Variants in POLQ observed in about 807,000 individuals in gnomAD.
The protein encoded by POLQ is epididymis secretory sperm binding protein.
In POLQ, 233 loss-of-function variants were observed where a neutral mutation model predicts 259.2. That is an observed-to-expected ratio of 0.90 (90% CI 0.81 to 1.00). The LOEUF (loss-of-function observed/expected upper bound fraction) is 1.00. POLQ is among the 50% of genes least tolerant of loss of function. The pLI is 0.00. For synonymous variants in POLQ, 1,025 were observed against 1,048.8 expected, an observed-to-expected ratio of 0.98 and a Z score of 0.44; for missense variants, 2,871 against 3,051.6, an observed-to-expected ratio of 0.94 and a Z score of 1.39.
chr3:121,451,741 C>T (rs1337201072), intron 25 of POLQ, among the ~76,000 whole-genome samples: 1 of 152,172 alleles, frequency 6.6e-6, no homozygotes, highest in Non-Finnish European at 1.5e-5. Flanking sequence ...GGTCAGGGAC[C>T]CACTTGAGGG....
chr3:121,453,951 GA>G (rs2047705487), intron 25 of POLQ, among the ~76,000 whole-genome samples: 1 of 152,188 alleles, frequency 6.6e-6, no homozygotes, highest in Admixed American at 6.5e-5. Context: ...AAGTTGAAAT[GA>G]AGGAAAAAAT....
At chr3:121,463,012 T>C (rs150841470) in intron 24 of POLQ, among the ~76,000 whole-genome samples, 2 of 152,370 alleles carry the variant, frequency 1.3e-5, no homozygotes, top group East Asian at 1.9e-4. Flanking sequence ...GTGTTCATTG[T>C]GGCTTTGTAG....
At chr3:121,496,713 A>G in intron 14 of POLQ, 95 bp downstream of exon 14, 1 of 1,278,760 alleles carries the variant, frequency 7.8e-7, no homozygotes, top group Non-Finnish European at 1.1e-6. Flanking sequence ...CTTTTAAAGA[A>G]GCCTACAATA....
intron 27 of POLQ, among the ~76,000 whole-genome samples, chr3:121,437,447 G>C (rs898946722): frequency 6.6e-6 from 1 of 152,194 alleles, no homozygotes; most frequent in East Asian, 1.9e-4. Flanking sequence ...TTGCTCATTT[G>C]TAAGATTACC....
At chr3:121,444,299 A>G (rs1186843476) in intron 26 of POLQ, among the ~76,000 whole-genome samples, 1 of 151,008 alleles carries the variant, frequency 6.6e-6, no homozygotes, top group African/African-American at 2.4e-5. Context: ...TTTTCCTTAT[A>G]TAGATCTTTC....
chr3:121,508,017 T>TTTTTTAA (rs2048223264), intron 12 of POLQ, among the ~76,000 whole-genome samples: 2 of 7,322 alleles, frequency 2.7e-4, no homozygotes, highest in South Asian at 0.024. Flanking sequence ...CCATACACAA[T>TTTTTTAA]TTTTTTTTTT....
chr3:121,440,188 T>C (rs965009136), intron 26 of POLQ, 72 bp from the exon 27 acceptor site: 17 of 1,194,962 alleles, frequency 1.4e-5, no homozygotes, highest in African/African-American at 3.0e-5. Flanking sequence ...GGCTTAAATA[T>C]GGCAAAATAC....
chr3:121,542,961 T>C (rs748575485), intron 2 of POLQ, among the ~76,000 whole-genome samples: 2 of 151,752 alleles, frequency 1.3e-5, no homozygotes, highest in Non-Finnish European at 2.9e-5. Flanking sequence ...TACTCCAGCC[T>C]GGGCAACAAG....
Position 121,510,133 on chromosome 3 carries a change from TTG to T in POLQ, c.1720_1721del (p.Gln574ArgfsTer9). Reference sequence around the variant, plus strand: ...CAATCGCTCCAAGCTGAACAGACTCTTGATTTCTCTGAATTCCTTGCTTCCCT... The same window carrying T: ...CAATCGCTCCAAGCTGAACAGACTCTATTTCTCTGAATTCCTTGCTTCCCT... The part of the protein sequence containing the change: ...KEGKQGIQRN[Q>X]ESVQLGAIEA... On this transcript the variant is annotated frameshift_variant, in exon 11 of 30. Transcript: ENST00000264233. LOFTEE classifies it high-confidence loss of function. 6.2e-7 allele frequency: 1 copy of T among 1,614,096 alleles called. No individual in the cohort carries two copies. The highest frequency in any genetic ancestry group is 8.5e-7 in the Non-Finnish European group (1 of 1,179,930).
In POLQ at chr3:121,481,619, T is replaced by C. The variant is rs752471198; in HGVS notation, c.6164A>G (p.Asn2055Ser). Residue 2055 changes from asparagine (N) to serine (S), a missense_variant, in exon 19 of 30, where the codon AAC becomes AGC. Coordinates refer to ENST00000264233, the MANE Select transcript of POLQ (RefSeq NM_199420.4). ...CAAAGAGTTGAGCTGATTCATAGAG[T>C]TGAAGATGAGAATGGACTCCACAGA... ...RASVESILIF[N>S]SMNQLNSLLQ... The C allele has an allele frequency of 8.7e-6, 14 of 1,613,464 alleles. No homozygotes were observed. The highest frequency in any genetic ancestry group is 1.7e-4 in the Middle Eastern group (1 of 6,060).
chr3:121,433,097 G>A lies in POLQ; in HGVS notation c.7544-64C>T. ...GCTAAGTCATAGGAGAATGTTTTTAGAGATTCTGAGTAACTCTGAGGAATT... is the reference window on the plus strand; with the variant it reads ...GCTAAGTCATAGGAGAATGTTTTTAAAGATTCTGAGTAACTCTGAGGAATT... On this transcript the variant is annotated intron_variant, in intron 28 of 29. Transcript: ENST00000264233. 3 of 847,714 alleles carry A rather than the reference G, an allele frequency of 3.5e-6. No individual in the cohort carries two copies. In the East Asian group the frequency reaches 7.4e-5, roughly 21 times the overall value. The allele number at this position is 847,714 out of a possible 1,614,324, so 52.5% of individuals were successfully genotyped here.
rs1560103033 is a variant in POLQ, at chr3:121,509,556, CTTACCAGATAGAGAATATGAAGA to C, written c.1941_1959+4del. The C allele has an allele frequency of 6.2e-7, 1 of 1,607,190 alleles. No homozygotes were observed. The highest frequency in any genetic ancestry group is 1.7e-5 in the Admixed American group (1 of 58,540). On this transcript the variant is annotated splice_donor_variant and splice_donor_region_variant and coding_sequence_variant and intron_variant, in exon 12 of 30. Transcript: ENST00000264233. LOFTEE classifies it high-confidence loss of function. ...CACAAACATAATTGTTAAAACAGAA[CTTACCAGATAGAGAATATGAAGA>C]TCATTCTCTAAAACAAAGCCCTTCA... is the stretch of plus-strand genomic sequence containing the variant.
intron 12 of POLQ, among the ~76,000 whole-genome samples, chr3:121,499,128 G>T (rs932109909): frequency 2.0e-5 from 3 of 151,932 alleles, no homozygotes; most frequent in Admixed American, 1.3e-4. Context: ...AAAGACAAAG[G>T]CCTCAGGATT....
intron 4 of POLQ, among the ~76,000 whole-genome samples, chr3:121,537,940 G>T (rs1239936853): frequency 6.6e-6 from 1 of 152,054 alleles, no homozygotes; most frequent in Non-Finnish European, 1.5e-5. Flanking sequence ...TCTTTTCCAA[G>T]ATGTTTCAGG....
At chr3:121,505,050 T>C (rs1326833449) in intron 12 of POLQ, among the ~76,000 whole-genome samples, 3 of 152,206 alleles carry the variant, frequency 2.0e-5, no homozygotes, top group Admixed American at 1.3e-4. Flanking sequence ...GACTGGATCA[T>C]GAAGACCGTT....
chr3:121,517,110 C>T (rs1283231051), intron 9 of POLQ, among the ~76,000 whole-genome samples: 1 of 152,180 alleles, frequency 6.6e-6, no homozygotes, highest in East Asian at 1.9e-4. Flanking sequence ...TCTACATTAA[C>T]TAAAAGACCC....
Position 121,544,751 on chromosome 3 carries a change from C to A in POLQ, c.319G>T (p.Glu107Ter). ...CCTGAATAAACTAAATTCTTTCCTT[C>A]CAGGACTTGTCCAAGCAAAAGGCAC... Reference protein sequence around the residue: ...AECLLLGQVLEGKNLVYSAPT... With the variant: ...AECLLLGQVL The change falls in exon 2 of 30, where the codon GAA (glutamate) becomes TAA (stop). Residue 107 changes from glutamate (E) to a stop codon, truncating the protein, a stop_gained. Transcript: ENST00000264233. LOFTEE classifies it high-confidence loss of function. The A allele has an allele frequency of 6.2e-7, 1 of 1,611,706 alleles. No individual in the cohort carries two copies. Among genetic ancestry groups the A allele is most frequent in the Non-Finnish European group, 8.5e-7 (1 of 1,178,226 alleles).
intron 27 of POLQ, among the ~76,000 whole-genome samples, chr3:121,439,775 C>A (rs979211107): frequency 6.6e-6 from 1 of 152,232 alleles, no homozygotes; most frequent in Non-Finnish European, 1.5e-5. Flanking sequence ...TAAGTAAACA[C>A]ATGTTTACAT....
At chr3:121,524,789 A>G (rs115169860) in intron 7 of POLQ, among the ~76,000 whole-genome samples, 3,286 of 152,254 alleles carry the variant, frequency 0.022, 46 homozygotes, top group Non-Finnish European at 0.038. Context: ...CTAGGTGTTG[A>G]TTATATTATG....
Sources: gnomAD v4.1 joint callset for allele counts (sites outside exome capture counted in the v4.1 genomes callset) on GRCh38, gnomAD v4.1.1 for gene constraint, MANE v1.5 for transcripts, NCBI Gene and HGNC (gene_info 2026-07-23, HGNC 2026-07-21) for gene names.